Variants in CNTN5 observed in about 807,000 individuals in gnomAD.
CNTN5 encodes contactin 5.
Under a neutral mutation model 129.1 loss-of-function variants are expected in CNTN5, and 77 were observed. The observed-to-expected ratio is 0.60, with a 90% CI of 0.50 to 0.72. CNTN5 has a LOEUF of 0.72. Ranked by LOEUF, CNTN5 falls within the 30% of genes least tolerant of loss-of-function variation. The pLI, the probability that CNTN5 is intolerant of heterozygous loss-of-function variation, is 0.00. For synonymous variants in CNTN5, 509 were observed against 465.6 expected, an observed-to-expected ratio of 1.09 and a Z score of -1.20; for missense variants, 1,478 against 1,328.8, an observed-to-expected ratio of 1.11 and a Z score of -1.75.
At chr11:99,811,930 C>T (rs1038628840) in intron 3 of CNTN5, among the ~76,000 whole-genome samples, 6 of 152,054 alleles carry the variant, frequency 3.9e-5, no homozygotes, top group Admixed American at 1.3e-4. Flanking sequence ...AAAGACTGAG[C>T]AACTGATGAA....
chr11:99,385,439 G>A (rs940547419), intron 2 of CNTN5, among the ~76,000 whole-genome samples: 1 of 152,064 alleles, frequency 6.6e-6, no homozygotes, highest in Admixed American at 6.6e-5. Context: ...GAACTGAGGG[G>A]AAATTATAGG....
At chr11:99,508,649 A>T (rs1946716718) in intron 2 of CNTN5, among the ~76,000 whole-genome samples, 1 of 151,976 alleles carries the variant, frequency 6.6e-6, no homozygotes, top group East Asian at 1.9e-4. Context: ...GAAGTGACTC[A>T]GGTTCAGCAA....
intron 1 of CNTN5, among the ~76,000 whole-genome samples, chr11:99,108,227 T>G (rs1857612371): frequency 6.6e-6 from 1 of 152,164 alleles, no homozygotes; most frequent in African/African-American, 2.4e-5. Flanking sequence ...AAAAGCAAAC[T>G]ACTTCTAAAG....
intron 1 of CNTN5, among the ~76,000 whole-genome samples, chr11:99,253,448 T>G (rs189807676): frequency 6.6e-6 from 1 of 152,140 alleles, no homozygotes; most frequent in Non-Finnish European, 1.5e-5. Context: ...CATATTTTTG[T>G]AATAAATTTG....
chr11:99,170,871 T>A (rs1011839945), intron 1 of CNTN5, among the ~76,000 whole-genome samples: 1 of 152,220 alleles, frequency 6.6e-6, no homozygotes, highest in African/African-American at 2.4e-5. Context: ...GAAGTCATGG[T>A]GTTACCACAA....
At chr11:99,373,844 T>C (rs1234899347) in intron 2 of CNTN5, among the ~76,000 whole-genome samples, 1 of 151,972 alleles carries the variant, frequency 6.6e-6, no homozygotes, top group Non-Finnish European at 1.5e-5. Flanking sequence ...TAATAAAATA[T>C]AAATTTTTAC....
At chr11:99,456,543 T>A (rs150650268) in intron 2 of CNTN5, among the ~76,000 whole-genome samples, 2 of 152,220 alleles carry the variant, frequency 1.3e-5, no homozygotes, top group African/African-American at 4.8e-5. Flanking sequence ...AAGCAAGGGA[T>A]TCAGGAGATC....
rs1371709132 is a variant in CNTN5 at position 99,441,782 on chromosome 11, G to T, written c.-70-114363G>T. On this transcript the variant is annotated intron_variant, in intron 2 of 24. Transcript: ENST00000524871. ...TCTAAAACAGTTTGGTAATCTTACA[G>T]CTTGGCTCAGAACTCTTTTTTTTTA... 3.3e-5 allele frequency among the ~76,000 whole-genome samples: 5 copies of T among 152,206 alleles called. 1 individual carries two copies. In the South Asian group the frequency reaches 6.2e-4, roughly 19 times the overall value.
In CNTN5 at chr11:100,113,463, A is replaced by T. The variant is rs868400574; in HGVS notation, c.1580+39169A>T. On this transcript the variant is annotated intron_variant, in intron 13 of 24. Transcript: ENST00000524871. ...AAAAAAAAAAAAAAAACAAGAAAGAAAAAAGAAAAAGAAAGAAAAAGAAAA... is the reference window on the plus strand; with the variant it reads ...AAAAAAAAAAAAAAAACAAGAAAGATAAAAGAAAAAGAAAGAAAAAGAAAA... Among the ~76,000 whole-genome samples the T allele has an allele frequency of 9.5e-5, 14 of 148,124 alleles. No individual in the cohort carries two copies. The South Asian group carries it at 2.5e-3, about 27-fold the overall frequency.
intron 6 of CNTN5, among the ~76,000 whole-genome samples, chr11:99,903,986 G>C (rs953165044): frequency 1.3e-5 from 2 of 152,092 alleles, no homozygotes; most frequent in Non-Finnish European, 2.9e-5. Context: ...AGTTAGAATG[G>C]CTGTTATAAA....
intron 13 of CNTN5, among the ~76,000 whole-genome samples, chr11:100,185,806 G>A (rs1948285650): frequency 2.0e-5 from 3 of 152,146 alleles, no homozygotes; most frequent in South Asian, 2.1e-4. Context: ...GTGAGCACAC[G>A]GTGAGAAGGC....
chr11:99,592,941 A>G (rs886446999), intron 3 of CNTN5, among the ~76,000 whole-genome samples: 2 of 152,174 alleles, frequency 1.3e-5, no homozygotes, highest in Admixed American at 6.5e-5. Context: ...AAGCAAAAAC[A>G]TTTTTTAATG....
intron 3 of CNTN5, among the ~76,000 whole-genome samples, chr11:99,742,473 A>G (rs1591075514): frequency 6.6e-6 from 1 of 152,188 alleles, no homozygotes; most frequent in East Asian, 1.9e-4. Flanking sequence ...TTTTTGAATG[A>G]CAGCTTTAAG....
intron 13 of CNTN5, among the ~76,000 whole-genome samples, chr11:100,089,860 C>T (rs1230708307): frequency 1.3e-5 from 2 of 151,904 alleles, no homozygotes; most frequent in East Asian, 3.9e-4. Context: ...CAGATGAACA[C>T]AGGGAGGGGA....
intron 2 of CNTN5, among the ~76,000 whole-genome samples, chr11:99,521,152 C>T (rs1947261169): frequency 6.6e-6 from 1 of 151,898 alleles, no homozygotes; most frequent in African/African-American, 2.4e-5. Context: ...TCTCCTCCTA[C>T]TCCTCCTCCT....
At chr11:99,981,089 TATATATATATATATACACACACACACAC>T (rs1267238730) in intron 8 of CNTN5, among the ~76,000 whole-genome samples, 2 of 76,048 alleles carry the variant, frequency 2.6e-5, no homozygotes, top group Non-Finnish European at 5.3e-5. Context: ...TATATATATA[TATATATATATATATACACACACACACAC>T]ATATATGAAA....
chr11:100,174,499 C>T (rs1056138001), intron 13 of CNTN5, among the ~76,000 whole-genome samples: 19 of 152,020 alleles, frequency 1.2e-4, no homozygotes, highest in South Asian at 8.3e-4. Flanking sequence ...GAAGTTTCCA[C>T]ACAAAATCCT....
At chr11:100,189,543 T>C (rs1341271707) in intron 13 of CNTN5, among the ~76,000 whole-genome samples, 1 of 152,158 alleles carries the variant, frequency 6.6e-6, no homozygotes, top group Non-Finnish European at 1.5e-5. Context: ...TTTCAAGATA[T>C]TAACAATCAG....
intron 6 of CNTN5, among the ~76,000 whole-genome samples, chr11:99,881,538 T>C (rs1421389530): frequency 6.6e-6 from 1 of 152,190 alleles, no homozygotes; most frequent in Non-Finnish European, 1.5e-5. Flanking sequence ...ATTGTTCTCA[T>C]ATCAGTAGCA....
Sources: gnomAD v4.1 joint callset for allele counts (sites outside exome capture counted in the v4.1 genomes callset) on GRCh38, gnomAD v4.1.1 for gene constraint, MANE v1.5 for transcripts, NCBI Gene and HGNC (gene_info 2026-07-23, HGNC 2026-07-21) for gene names.